Variants in RBM26 observed in about 807,000 individuals in gnomAD.
RBM26 encodes RNA-binding protein 26.
In RBM26, 30 loss-of-function variants were observed where a neutral mutation model predicts 123.6. That is an observed-to-expected ratio of 0.24 (90% CI 0.18 to 0.33). The LOEUF is 0.33. RBM26 is among the 10% of genes least tolerant of loss of function. The pLI is 1.00. For missense variants in RBM26, 947 were observed against 1,203.6 expected (o/e 0.79, Z 3.15); for synonymous variants, 400 against 404.4 (o/e 0.99, Z 0.13).
downstream of RBM26, among the ~76,000 whole-genome samples, chr13:79,317,345 G>C (rs1329663739): frequency 2.0e-5 from 3 of 151,582 alleles, no homozygotes; most frequent in African/African-American, 7.3e-5. Context: ...AAATTGTTTT[G>C]TCTCAAACAC....
rs776345304 is a variant in RBM26, at chr13:79,367,406, C to CA, written c.896-535dup. On this transcript the variant is annotated intron_variant, in intron 6 of 21. Coordinates refer to ENST00000438737, the MANE Select transcript of RBM26 (RefSeq NM_001366735.2). Reference sequence around the variant, plus strand: ...TGGGGTATAGGGGGAGACTCCATCTCAAAAAAAAAAAAAAAAAAAAAAAAA... The same window carrying CA: ...TGGGGTATAGGGGGAGACTCCATCTCAAAAAAAAAAAAAAAAAAAAAAAAAA... Among the ~76,000 whole-genome samples the CA allele has an allele frequency of 1.9e-3, 77 of 39,648 alleles. 2 individuals are homozygous for CA. Among genetic ancestry groups the CA allele is most frequent in the East Asian group, 8.3e-3 (5 of 606 alleles). 26.0% of individuals were successfully genotyped at this position (39,648 alleles called of 152,430 possible).
chr13:79,377,601 G>GA (rs1381985587), intron 2 of RBM26, 86 bp from the exon 3 acceptor site: 14 of 1,044,470 alleles, frequency 1.3e-5, no homozygotes, highest in Admixed American at 2.3e-5. Context: ...CTAATATGAT[G>GA]AAACATACCT....
At chr13:79,404,036 T>C (rs1009615157) in intron 1 of RBM26, among the ~76,000 whole-genome samples, 1 of 152,168 alleles carries the variant, frequency 6.6e-6, no homozygotes, top group African/African-American at 2.4e-5. Context: ...TTTCCCACAA[T>C]GTCATCGTCT....
intron 19 of RBM26, among the ~76,000 whole-genome samples, 160 bp downstream of exon 19, chr13:79,336,942 A>G (rs547045190): frequency 1.3e-5 from 2 of 152,320 alleles, no homozygotes; most frequent in East Asian, 1.9e-4. Flanking sequence ...CAAATCCTAC[A>G]GTTTGTTTTT....
chr13:79,353,933 G>T (rs566768694), intron 13 of RBM26, among the ~76,000 whole-genome samples: 2 of 152,152 alleles, frequency 1.3e-5, no homozygotes, highest in African/African-American at 2.4e-5. Context: ...CCAGAGTCAG[G>T]AATAAGTGAT....
chr13:79,350,402 C>T (rs1368001686), intron 14 of RBM26, among the ~76,000 whole-genome samples: 1 of 152,092 alleles, frequency 6.6e-6, no homozygotes, highest in African/African-American at 2.4e-5. Context: ...AAAAACTAAC[C>T]AGGACAGTAT....
chr13:79,354,433 C>CT lies in RBM26; in HGVS notation c.1986+5dup. On this transcript the variant is annotated splice_donor_region_variant and intron_variant, in intron 13 of 21. Transcript: ENST00000438737. ...TACGGGCACAATCGTAAGACCTTTGCTTTACCTGAGGAAGGTCTGAAGAGG... is the reference window on the plus strand; with the variant it reads ...TACGGGCACAATCGTAAGACCTTTGCTTTTACCTGAGGAAGGTCTGAAGAGG... 6.4e-7 allele frequency: 1 copy of CT among 1,559,776 alleles called. No individual in the cohort carries two copies. Among genetic ancestry groups the CT allele is most frequent in the Non-Finnish European group, 8.7e-7 (1 of 1,147,002 alleles).
In RBM26 at chr13:79,334,448, A is replaced by C; in HGVS notation, c.2734-18T>G. On this transcript the variant is annotated intron_variant, in intron 19 of 21. Transcript: ENST00000438737. ...CCATATTGCTTTAAATTAAAAAAAA[A>C]GTATTTCCTCCAAATAAATATTTTG... is the stretch of plus-strand genomic sequence containing the variant. 7.4e-7 allele frequency: 1 copy of C among 1,345,802 alleles called. No individual in the cohort carries two copies. Among genetic ancestry groups the C allele is most frequent in the Non-Finnish European group, 1.0e-6 (1 of 971,370 alleles). 83.4% of individuals were successfully genotyped at this position (1,345,802 alleles called of 1,614,324 possible).
chr13:79,356,681 C>T (rs539851546), intron 11 of RBM26, among the ~76,000 whole-genome samples: 9 of 152,106 alleles, frequency 5.9e-5, no homozygotes, highest in Middle Eastern at 6.8e-3. Context: ...AATTTCATCA[C>T]TATGTTTAAT....
chr13:79,391,542 G>T (rs968002443), intron 1 of RBM26, among the ~76,000 whole-genome samples: 4 of 152,076 alleles, frequency 2.6e-5, no homozygotes, highest in Non-Finnish European at 2.9e-5. Flanking sequence ...TCCTGCTTCA[G>T]CTTCCCCTGT....
Position 79,355,404 on chromosome 13 carries a change from G to A in RBM26, c.1690-20C>T. ...AGCAACCTAAGATTTAAAATATTAA[G>A]AACAGTGAATTTCCAAAGGAATCTG... is the stretch of plus-strand genomic sequence containing the variant. On this transcript the variant is annotated intron_variant, in intron 11 of 21. Coordinates refer to ENST00000438737, the MANE Select transcript of RBM26 (RefSeq NM_001366735.2). 1 of 1,599,688 alleles carries A rather than the reference G, an allele frequency of 6.3e-7. No homozygotes were observed. Among genetic ancestry groups the A allele is most frequent in the Non-Finnish European group, 8.5e-7 (1 of 1,170,792 alleles).
exon 5 of RBM26, chr13:79,313,494 C>CA (rs1378780611): frequency 6.6e-6 from 1 of 151,810 alleles, no homozygotes; most frequent in African/African-American, 2.4e-5. Context: ...TTAGTGTCTT[C>CA]AGACAATGGT....
At chr13:79,316,192 GGTGTGTGTGTGTGTGTGT>G (rs3064578), downstream of RBM26, among the ~76,000 whole-genome samples, 4 of 141,998 alleles carry the variant, frequency 2.8e-5, no homozygotes, top group Non-Finnish European at 4.6e-5. Context: ...AAGTGGGGCA[GGTGTGTGTGTGTGTGTGT>G]GTGTGTGTGT....
At chr13:79,358,891 A>G (rs2074336723) in intron 10 of RBM26, among the ~76,000 whole-genome samples, 1 of 152,218 alleles carries the variant, frequency 6.6e-6, no homozygotes, top group Non-Finnish European at 1.5e-5. Context: ...AAAGAAAAAA[A>G]GAATTGTTGG....
chr13:79,324,504 T>C (rs2068089743), intron 20 of RBM26, among the ~76,000 whole-genome samples: 1 of 151,932 alleles, frequency 6.6e-6, no homozygotes, highest in Non-Finnish European at 1.5e-5. Context: ...TGAATGAAGT[T>C]TGGTGATATT....
intron 14 of RBM26, among the ~76,000 whole-genome samples, chr13:79,345,016 A>G (rs1006955298): frequency 6.6e-6 from 1 of 152,144 alleles, no homozygotes; most frequent in African/African-American, 2.4e-5. Context: ...CCAAATACCT[A>G]TAGAAAAAAA....
chr13:79,328,936 T>C (rs2068866544), intron 20 of RBM26, among the ~76,000 whole-genome samples: 1 of 151,984 alleles, frequency 6.6e-6, no homozygotes. Context: ...ATGGATTTTT[T>C]TTTTTAATAA....
At chr13:79,399,412 CTTCAGAAAAAAGAAACAGTAAAGT>C (rs2078874218) in intron 1 of RBM26, among the ~76,000 whole-genome samples, 1 of 151,810 alleles carries the variant, frequency 6.6e-6, no homozygotes, top group Admixed American at 6.6e-5. Context: ...CACTACTAAT[CTTCAGAAAAAAGAAACAGTAAAGT>C]TTCAGAAAAA....
At chr13:79,357,233 T>C (rs149619331) in intron 11 of RBM26, among the ~76,000 whole-genome samples, 25 of 152,256 alleles carry the variant, frequency 1.6e-4, no homozygotes, top group Admixed American at 4.6e-4. Context: ...CATGAATCTT[T>C]TTCCCGCTCT....
Sources: allele counts gnomAD v4.1 joint callset (sites outside exome capture counted in the v4.1 genomes callset), GRCh38; gene constraint gnomAD v4.1.1; transcripts MANE v1.5; gene names NCBI Gene and HGNC (gene_info 2026-07-23, HGNC 2026-07-21).